The following ENO1 variants were observed in gnomAD, a reference collection of about 807,000 sequenced individuals.
ENO1 encodes alpha-enolase.
Under a neutral mutation model 46.3 loss-of-function variants are expected in ENO1, and 33 were observed. That is an observed-to-expected ratio of 0.71 (90% CI 0.54 to 0.95). The LOEUF is 0.95. ENO1 is among the 40% of genes least tolerant of loss of function. ENO1 has a pLI of 0.00. For missense variants in ENO1, 488 were observed against 553.3 expected (o/e 0.88, Z 1.18); for synonymous variants, 220 against 216.0 (o/e 1.02, Z -0.16).
In ENO1 at chr1:8,870,451, C is replaced by T; in HGVS notation, c.240+1G>A. 1 of 1,614,184 alleles carries T rather than the reference C, an allele frequency of 6.2e-7. No homozygotes were observed. The highest frequency in any genetic ancestry group is 8.5e-7 in the Non-Finnish European group (1 of 1,180,022). ...ATTAGTTATCAGGAGGCAGGTCCTA[C>T]CTTGCTAACCAGGGCAGGCGCAATA... On this transcript the variant is annotated splice_donor_variant, in intron 4 of 11. Coordinates refer to ENST00000234590, the MANE Select transcript of ENO1 (RefSeq NM_001428.5). LOFTEE classifies it high-confidence loss of function.
At chr1:8,877,858 G>A (rs1376540079) in intron 1 of ENO1, 1 of 145,426 alleles carries the variant, frequency 6.9e-6, no homozygotes, top group African/African-American at 2.5e-5. Flanking sequence ...CTCCAGCCTG[G>A]GCAACAATAG....
At position 8,861,139 on chromosome 1, in the gene ENO1, G is replaced by A; in HGVS notation, c.*221C>T. The A allele has an allele frequency of 1.9e-6, 1 of 520,184 alleles. No individual in the cohort carries two copies. Among genetic ancestry groups the A allele is most frequent in the Non-Finnish European group, 3.4e-6 (1 of 291,774 alleles). 32.2% of individuals were successfully genotyped at this position (520,184 alleles called of 1,614,324 possible). On this transcript the variant is annotated 3_prime_UTR_variant, in exon 12 of 12. Coordinates refer to ENST00000234590, the MANE Select transcript of ENO1 (RefSeq NM_001428.5). ...AGTGAGGCGAGAAAAACAATGACTT[G>A]GGCCAATTACACGACTGCAAAGCTA...
chr1:8,875,119 T>C (rs956459437), intron 1 of ENO1, among the ~76,000 whole-genome samples: 6 of 152,152 alleles, frequency 3.9e-5, no homozygotes, highest in Admixed American at 3.9e-4. Flanking sequence ...AGTTAGGGCC[T>C]AGCTGCGGAA....
intron 7 of ENO1, 129 bp from the exon 8 acceptor site, chr1:8,865,611 A>C: frequency 1.2e-6 from 1 of 852,344 alleles, no homozygotes; most frequent in Non-Finnish European, 1.8e-6. Flanking sequence ...AGTAGTTCTG[A>C]CATCAGTTAC....
chr1:8,867,542 T>G (rs944221918), intron 5 of ENO1, among the ~76,000 whole-genome samples: 7 of 129,766 alleles, frequency 5.4e-5, no homozygotes, highest in African/African-American at 8.6e-5. Flanking sequence ...GCACCTGATA[T>G]TCAAAAAAAA....
intron 6 of ENO1, 97 bp downstream of exon 6, chr1:8,867,020 C>T: frequency 1.3e-6 from 2 of 1,522,854 alleles, no homozygotes; most frequent in Admixed American, 1.9e-5. Context: ...GGGAGAGTCA[C>T]ATGTGTTAGG....
intron 5 of ENO1, 101 bp downstream of exon 5, chr1:8,867,887 T>C (rs1177724702): frequency 1.3e-5 from 14 of 1,044,462 alleles, no homozygotes; most frequent in Non-Finnish European, 2.0e-5. Flanking sequence ...CAGGCTCATG[T>C]AGCTCATCAC....
In ENO1 at chr1:8,866,312, C is replaced by T. The variant is rs201238976; in HGVS notation, c.634G>A (p.Gly212Arg). The change falls in exon 7 of 12, where the codon GGG (glycine) becomes AGG (arginine). Residue 212 changes from glycine (G) to arginine (R), a missense_variant. Gly to Arg is a moderately radical substitution (Grantham distance 125). Coordinates refer to ENST00000234590, the MANE Select transcript of ENO1 (RefSeq NM_001428.5). The stretch of plus-strand genomic sequence containing the variant: ...TTCTCCAGGATGTTGGGAGCAAACC[C>T]GCCTTCATCCCCCACATTGGTGGCA... ...KDATNVGDEGGFAPNILENKE... is the reference protein window; with the variant it reads ...KDATNVGDEGRFAPNILENKE... 3.1e-6 allele frequency: 5 copies of T among 1,614,102 alleles called. No individual in the cohort carries two copies. The highest frequency in any genetic ancestry group is 1.7e-5 in the Admixed American group (1 of 60,012).
chr1:8,871,867 TG>T, intron 3 of ENO1, 23 bp downstream of exon 3: 1 of 1,610,666 alleles, frequency 6.2e-7, no homozygotes, highest in Non-Finnish European at 8.5e-7. Flanking sequence ...AGGGAGGCCA[TG>T]GGCTGTGGGT....
intron 11 of ENO1, among the ~76,000 whole-genome samples, chr1:8,862,393 C>T (rs1219088631): frequency 6.6e-6 from 1 of 151,996 alleles, no homozygotes; most frequent in African/African-American, 2.4e-5. Context: ...GGCGGGGGGA[C>T]AAGTCTCCTG....
chr1:8,872,613 T>C (rs758083895), intron 2 of ENO1, among the ~76,000 whole-genome samples: 2 of 152,046 alleles, frequency 1.3e-5, no homozygotes, highest in East Asian at 3.9e-4. Context: ...GAACTCCTGA[T>C]CTCAGGTGAT....
intron 10 of ENO1, 137 bp from the exon 11 acceptor site, chr1:8,863,082 G>A: frequency 7.4e-7 from 1 of 1,344,724 alleles, no homozygotes. Context: ...CATACAGGCA[G>A]GGCGCTCATG....
At chr1:8,875,307 GA>G (rs80201810) in intron 1 of ENO1, among the ~76,000 whole-genome samples, 7,255 of 114,424 alleles carry the variant, frequency 0.063, 346 homozygotes, top group African/African-American at 0.17. Context: ...TAAGAAAAAA[GA>G]AAAAAAAAAA....
chr1:8,862,863 C>T, intron 11 of ENO1, 24 bp downstream of exon 11: 7 of 1,613,006 alleles, frequency 4.3e-6, no homozygotes, highest in Non-Finnish European at 5.9e-6. Context: ...CCACAGGCCC[C>T]TTGTTCTCAG....
rs1642651686 is a variant in ENO1, at chr1:8,872,387, C to CCT, written c.86-402_86-401insAG. ...ACAGGGCATTGAAGACGTTCTGGTACTTTTTTTTTCTTTTGAGACAGAATC... is the reference window on the plus strand; with the variant it reads ...ACAGGGCATTGAAGACGTTCTGGTACCTTTTTTTTTTCTTTTGAGACAGAATC... On this transcript the variant is annotated intron_variant, in intron 2 of 11. Coordinates refer to ENST00000234590, the MANE Select transcript of ENO1 (RefSeq NM_001428.5). 2.7e-5 allele frequency among the ~76,000 whole-genome samples: 4 copies of CCT among 150,692 alleles called. No individual in the cohort carries two copies. In the South Asian group the frequency reaches 8.4e-4, roughly 32 times the overall value.
In ENO1 at chr1:8,868,049, G is replaced by A. The variant is rs756944144; in HGVS notation, c.249C>T (p.Asn83=). The A allele has an allele frequency of 1.9e-5, 30 of 1,613,524 alleles. No homozygotes were observed. The highest frequency in any genetic ancestry group is 5.3e-5 in the African/African-American group (4 of 74,866). Residue 83 remains asparagine, a synonymous_variant, in exon 5 of 12, where the codon AAC becomes AAT. Coordinates refer to ENST00000234590, the MANE Select transcript of ENO1 (RefSeq NM_001428.5). ...TGTCAATCTTCTCTTGTTCTGTGAC[G>A]TTCAGTTTCTACGAGGGAGAGGGGA... ...IAPALVSKKL[N]VTEQEKIDKL...
Position 8,864,020 on chromosome 1 carries a change from A to T in ENO1, c.938T>A (p.Ile313Asn). 6.2e-7 allele frequency: 1 copy of T among 1,614,134 alleles called. No individual in the cohort carries two copies. Among genetic ancestry groups the T allele is most frequent in the Non-Finnish European group, 8.5e-7 (1 of 1,180,030 alleles). ...TGTGAGATCATCCCCCACTACCTGG[A>T]TTCCTGCACTGGCTGTGAACTTCTG... Reference protein sequence around the residue: ...AWQKFTASAGIQVVGDDLTVT... With the variant: ...AWQKFTASAGNQVVGDDLTVT... The change falls in exon 9 of 12, where the codon ATC (isoleucine) becomes AAC (asparagine). Residue 313 changes from isoleucine (I) to asparagine (N), a missense_variant. Physicochemically the swap from Ile to Asn is moderately radical, Grantham distance 149. Transcript: ENST00000234590.
At chr1:8,865,181 C>A in intron 8 of ENO1, 104 bp downstream of exon 8, 1 of 1,411,964 alleles carries the variant, frequency 7.1e-7, no homozygotes, top group Non-Finnish European at 9.8e-7. Context: ...CAGACACTCC[C>A]TCCCCATCCC....
intron 3 of ENO1, 96 bp downstream of exon 3, chr1:8,871,795 G>C (rs1396002313): frequency 6.5e-6 from 9 of 1,386,634 alleles, no homozygotes; most frequent in Non-Finnish European, 8.1e-6. Flanking sequence ...CCATAAACCT[G>C]CAAGTGCAAG....
Sources: gnomAD v4.1 joint callset for allele counts (sites outside exome capture counted in the v4.1 genomes callset) on GRCh38, gnomAD v4.1.1 for gene constraint, MANE v1.5 for transcripts, NCBI Gene and HGNC (gene_info 2026-07-23, HGNC 2026-07-21) for gene names.